MICAL2: variants seen among roughly 807,000 people sequenced by gnomAD.
The protein encoded by MICAL2 is microtubule associated monooxygenase, calponin and LIM domain containing 2, also known as [F-actin]-monooxygenase MICAL2.
A neutral mutation model predicts 127.3 loss-of-function variants in MICAL2; 77 were observed. The observed-to-expected ratio is 0.60, with a 90% CI of 0.50 to 0.73. The LOEUF is 0.73. Among genes scored for constraint, MICAL2 ranks in the 30% least tolerant of loss-of-function variants. MICAL2 has a pLI of 0.00. For synonymous variants in MICAL2, 570 were observed against 551.1 expected (o/e 1.03, Z -0.48); for missense variants, 1,351 against 1,434.4 (o/e 0.94, Z 0.94).
Position 12,224,672 on chromosome 11 carries a change from G to A in MICAL2, c.1541-1G>A. ...CACTGCCTGCGCTCTCCTTCTTGCAGAGTCAGATATCCGGCCCAGCAAGCT... is the reference window on the plus strand; with the variant it reads ...CACTGCCTGCGCTCTCCTTCTTGCAAAGTCAGATATCCGGCCCAGCAAGCT... On this transcript the variant is annotated splice_acceptor_variant, in intron 12 of 27. Coordinates refer to ENST00000683283, the MANE Select transcript of MICAL2 (RefSeq NM_001282663.2). LOFTEE classifies it high-confidence loss of function. 4.3e-6 allele frequency: 7 copies of A among 1,613,550 alleles called. No individual in the cohort carries two copies. The highest frequency in any genetic ancestry group is 4.2e-6 in the Non-Finnish European group (5 of 1,179,532).
chr11:12,213,187 A>G, intron 6 of MICAL2, 68 bp from the exon 7 acceptor site: 3 of 1,515,666 alleles, frequency 2.0e-6, no homozygotes, highest in South Asian at 1.3e-5. Context: ...CAGCTCTCCC[A>G]ATAATCATTT....
intron 15 of MICAL2, among the ~76,000 whole-genome samples, chr11:12,233,788 A>T (rs1237007340): frequency 6.6e-6 from 1 of 152,172 alleles, no homozygotes; most frequent in Non-Finnish European, 1.5e-5. Context: ...TTCTTCTTGT[A>T]CTTTGAATTC....
exon 1 of MICAL2, chr11:12,276,128 GCTGGCTGTGCGTGTC>G: frequency 2.5e-6 from 1 of 399,236 alleles, no homozygotes; most frequent in Non-Finnish European, 4.4e-6. Flanking sequence ...GACAGGATGT[GCTGGCTGTGCGTGTC>G]CTGGTCACCA....
intron 1 of MICAL2, among the ~76,000 whole-genome samples, chr11:12,113,494 G>T (rs1226178605): frequency 6.6e-6 from 1 of 152,278 alleles, no homozygotes; most frequent in South Asian, 2.1e-4. Flanking sequence ...GCCTGTGGCT[G>T]TCTCTGCACT....
intron 26 of MICAL2, chr11:12,260,841 C>A (rs1418236388): frequency 3.0e-6 from 3 of 985,328 alleles, no homozygotes; most frequent in Non-Finnish European, 3.6e-6. Context: ...AGGCTTTCCC[C>A]CCCATACCAA....
chr11:12,331,512 G>A lies in MICAL2; in HGVS notation c.5515+4246G>A, dbSNP rs147149625. 2.6e-5 allele frequency among the ~76,000 whole-genome samples: 4 copies of A among 152,226 alleles called. No homozygotes were observed. The East Asian group carries it at 7.7e-4, about 29-fold the overall frequency. ...AGCACACATTATGTGAGAAATGCTAGCGAAAGCCTCTCCAGGACCGGGGAG... is the reference window on the plus strand; with the variant it reads ...AGCACACATTATGTGAGAAATGCTAACGAAAGCCTCTCCAGGACCGGGGAG... On this transcript the variant is annotated intron_variant, in intron 32 of 34. Transcript: ENST00000646065.
chr11:12,181,364 G>T (rs7926135), intron 3 of MICAL2, among the ~76,000 whole-genome samples: 1 of 152,158 alleles, frequency 6.6e-6, no homozygotes, highest in Admixed American at 6.6e-5. Context: ...AGAAATTCTC[G>T]ATTAAAGTCC....
chr11:12,343,516 G>C (rs930125639), intron 32 of MICAL2, among the ~76,000 whole-genome samples: 1 of 152,026 alleles, frequency 6.6e-6, no homozygotes, highest in Non-Finnish European at 1.5e-5. Context: ...ACAGTGTCAA[G>C]GGGAATCAGT....
At chr11:12,304,250 A>G (rs1864082327) in intron 29 of MICAL2, among the ~76,000 whole-genome samples, 2 of 152,138 alleles carry the variant, frequency 1.3e-5, no homozygotes, top group African/African-American at 2.4e-5. Flanking sequence ...TGAAACTGGG[A>G]TAGATTTTTG....
At chr11:12,206,953 T>C (rs973414182) in intron 4 of MICAL2, among the ~76,000 whole-genome samples, 1 of 152,122 alleles carries the variant, frequency 6.6e-6, no homozygotes, top group Non-Finnish European at 1.5e-5. Context: ...TGCCATAAGG[T>C]ATTTATTCTA....
chr11:12,164,379 T>C (rs1855221232), intron 3 of MICAL2, among the ~76,000 whole-genome samples: 2 of 152,312 alleles, frequency 1.3e-5, no homozygotes, highest in East Asian at 1.9e-4. Flanking sequence ...GACTGGAAGA[T>C]ACATTTGAGA....
At chr11:12,147,122 A>G (rs1027625454) in intron 2 of MICAL2, among the ~76,000 whole-genome samples, 1 of 152,162 alleles carries the variant, frequency 6.6e-6, no homozygotes, top group African/African-American at 2.4e-5. Flanking sequence ...TGACGAGTTA[A>G]TGGGTGCAGC....
intron 16 of MICAL2, among the ~76,000 whole-genome samples, chr11:12,238,399 T>TAATGCTA (rs1859389914): frequency 6.6e-6 from 1 of 152,196 alleles, no homozygotes; most frequent in Non-Finnish European, 1.5e-5. Flanking sequence ...AACCGAATGA[T>TAATGCTA]CAAGGTCTAC....
intron 23 of MICAL2, 120 bp from the exon 24 acceptor site, chr11:12,256,665 C>A: frequency 2.2e-6 from 2 of 919,026 alleles, no homozygotes; most frequent in Non-Finnish European, 3.2e-6. Flanking sequence ...GTGGCAGTAG[C>A]AGGAAGCAGA....
chr11:12,221,209 A>G (rs896979045), intron 9 of MICAL2, among the ~76,000 whole-genome samples: 3 of 152,046 alleles, frequency 2.0e-5, no homozygotes, highest in African/African-American at 4.8e-5. Flanking sequence ...CCCATGCTCC[A>G]TGTTACACCC....
intron 1 of MICAL2, chr11:12,280,870 G>A (rs1205034655): frequency 5.0e-6 from 2 of 398,398 alleles, no homozygotes; most frequent in Non-Finnish European, 8.8e-6. Flanking sequence ...GACGCAGTGT[G>A]GGTGTGTTGG....
At chr11:12,228,245 G>A (rs573066481) in intron 15 of MICAL2, among the ~76,000 whole-genome samples, 2 of 152,248 alleles carry the variant, frequency 1.3e-5, no homozygotes, top group South Asian at 2.1e-4. Flanking sequence ...CAGGAGAATC[G>A]CTTGAACCCA....
intron 24 of MICAL2, among the ~76,000 whole-genome samples, chr11:12,270,628 T>C (rs533649855): frequency 6.6e-6 from 1 of 152,340 alleles, no homozygotes; most frequent in East Asian, 1.9e-4. Flanking sequence ...GATGCTTCTG[T>C]TGAACTCCCT....
rs1441480099 is a variant in MICAL2 at position 12,138,064 on chromosome 11, GT to G, written c.-148-321del. Among the ~76,000 whole-genome samples the G allele has an allele frequency of 3.9e-5, 6 of 152,176 alleles. No individual in the cohort carries two copies. The East Asian group carries it at 1.2e-3, about 29-fold the overall frequency. Reference sequence around the variant, plus strand: ...ACACTTAAAAATTCTGACACTTTCTGTTTTTACTAAAGCAGCGAATAAAGCA... The same window carrying G: ...ACACTTAAAAATTCTGACACTTTCTGTTTTACTAAAGCAGCGAATAAAGCA... On this transcript the variant is annotated intron_variant, in intron 1 of 27. Coordinates refer to ENST00000683283, the MANE Select transcript of MICAL2 (RefSeq NM_001282663.2).
Sources: gnomAD v4.1 joint callset for allele counts (sites outside exome capture counted in the v4.1 genomes callset) on GRCh38, gnomAD v4.1.1 for gene constraint, MANE v1.5 for transcripts, NCBI Gene and HGNC (gene_info 2026-07-23, HGNC 2026-07-21) for gene names.